Variants in LARP4B observed in about 807,000 individuals in gnomAD.
The protein encoded by LARP4B is la-related protein 4B.
LARP4B carries 12 observed loss-of-function variants against 89.8 expected under a neutral mutation model. The observed-to-expected ratio is 0.13, with a 90% CI of 0.09 to 0.22. The LOEUF is 0.22. Among genes scored for constraint, LARP4B ranks in the 10% least tolerant of loss-of-function variants. The pLI is 1.00. For missense variants in LARP4B, 757 were observed against 947.7 expected (o/e 0.80, Z 2.64); for synonymous variants, 367 against 363.3 (o/e 1.01, Z -0.12).
chr10:909,101 T>C (rs573869821), intron 1 of LARP4B, among the ~76,000 whole-genome samples: 53 of 152,108 alleles, frequency 3.5e-4, no homozygotes, highest in East Asian at 2.7e-3. Context: ...AAGATCATCC[T>C]GGCTAACACG....
Position 810,836 on chromosome 10 carries a change from A to C in LARP4B, c.*2090T>G, listed in dbSNP as rs1264824202. On this transcript the variant is annotated 3_prime_UTR_variant, in exon 18 of 18. Transcript: ENST00000316157. ...CTGACAACTACAAAAAAAAATCCCC[A>C]TGTTCTTTAAAATGCATTTGAAAAA... is the stretch of plus-strand genomic sequence containing the variant. 6.8e-6 allele frequency: 1 copy of C among 146,534 alleles called. No homozygotes were observed. The highest frequency in any genetic ancestry group is 2.5e-5 in the African/African-American group (1 of 39,674). The allele number at this position is 146,534 out of a possible 1,614,324, so 9.1% of individuals were successfully genotyped here. A position where few individuals can be genotyped will look rare whatever the true frequency, so the allele number is the denominator to read the frequency against.
chr10:855,590 A>G (rs1397145621), intron 5 of LARP4B, among the ~76,000 whole-genome samples: 5 of 152,196 alleles, frequency 3.3e-5, no homozygotes, highest in Non-Finnish European at 5.9e-5. Context: ...TGGCACCCCA[A>G]AACAATGGCA....
chr10:808,159 C>G (rs901494047), downstream of LARP4B: 6 of 152,332 alleles, frequency 3.9e-5, no homozygotes, highest in African/African-American at 1.2e-4. Context: ...CCAGCAGAGC[C>G]CTGCAGACAA....
the LARP4B span, among the ~76,000 whole-genome samples, chr10:941,572 T>G: frequency 6.6e-6 from 1 of 152,280 alleles, no homozygotes; most frequent in Middle Eastern, 3.4e-3. Context: ...TCCGCCCGCC[T>G]TGGCCTCCCA....
At chr10:889,771 G>A (rs1392480446) in intron 1 of LARP4B, among the ~76,000 whole-genome samples, 1 of 152,104 alleles carries the variant, frequency 6.6e-6, no homozygotes, top group Non-Finnish European at 1.5e-5. Flanking sequence ...CCAAAGTGGT[G>A]AAACCCCATC....
chr10:833,703 A>G (rs1273959039), intron 8 of LARP4B, among the ~76,000 whole-genome samples: 3 of 152,160 alleles, frequency 2.0e-5, no homozygotes, highest in Non-Finnish European at 4.4e-5. Flanking sequence ...CATCCTGGCC[A>G]ACATTGTGAA....
At chr10:912,708 CAAAAAAAAA>C (rs60998261) in intron 1 of LARP4B, among the ~76,000 whole-genome samples, 3 of 91,244 alleles carry the variant, frequency 3.3e-5, no homozygotes, top group Non-Finnish European at 6.2e-5. Context: ...CTCGTCTTGA[CAAAAAAAAA>C]AAAAAAAAAT....
In LARP4B at chr10:814,883, T is replaced by C. The variant is rs767191618; in HGVS notation, c.1821-33A>G. 6.3e-7 allele frequency: 1 copy of C among 1,581,028 alleles called. No individual in the cohort carries two copies. The highest frequency in any genetic ancestry group is 8.6e-7 in the Non-Finnish European group (1 of 1,158,470). ...AATGCCACCCGATATTTGAATCTCA[T>C]GCAACATCACAGGCCATTCAAGTCA... On this transcript the variant is annotated intron_variant, in intron 16 of 17. Transcript: ENST00000316157. The surrounding 1 kb of genome is among the most constrained non-coding windows in gnomAD (Gnocchi z 4.4).
the LARP4B span, chr10:986,821 TC>T: frequency 6.6e-6 from 1 of 152,158 alleles, no homozygotes; most frequent in Non-Finnish European, 1.5e-5. Context: ...GTGCCTGTAA[TC>T]CCAGCTACTT....
At chr10:914,372 A>G (rs1309237554) in intron 1 of LARP4B, among the ~76,000 whole-genome samples, 1 of 152,150 alleles carries the variant, frequency 6.6e-6, no homozygotes, top group African/African-American at 2.4e-5. Context: ...TCAAAATGAT[A>G]AGGGGGAAAG....
At chr10:968,342 A>ATAAT in the LARP4B span, among the ~76,000 whole-genome samples, 75,956 of 151,628 alleles carry the variant, frequency 0.5, 19,296 homozygotes, top group East Asian at 0.62. Flanking sequence ...AGTTTGTGTG[A>ATAAT]TAATTAAAAT....
In LARP4B at chr10:829,587, A is replaced by C. The variant is rs1486747871; in HGVS notation, c.923T>G (p.Ile308Arg). The change falls in exon 11 of 18, where the codon ATA becomes AGA. Residue 308 changes from isoleucine to arginine, a missense_variant. Ile to Arg is a moderately conservative substitution (Grantham distance 97). Transcript: ENST00000316157. ...GTTTATAGCTATTGCCTTTGCTTTT[A>C]TCCGTGCCTGTTTGAAAATATGTAA... ...TFQGKPIKARIKAKAIAINTF... is the reference protein window; with the variant it reads ...TFQGKPIKARRKAKAIAINTF... The C allele has an allele frequency of 6.2e-7, 1 of 1,613,900 alleles. No homozygotes were observed. Among genetic ancestry groups the C allele is most frequent in the Non-Finnish European group, 8.5e-7 (1 of 1,179,974 alleles).
chr10:894,094 G>C (rs1342733085), intron 1 of LARP4B, among the ~76,000 whole-genome samples: 2 of 152,176 alleles, frequency 1.3e-5, no homozygotes, highest in African/African-American at 4.8e-5. Flanking sequence ...ATTGATGTCT[G>C]CTGAAATTAT....
chr10:835,117 T>C (rs76537994), intron 8 of LARP4B, among the ~76,000 whole-genome samples: 1,766 of 151,440 alleles, frequency 0.012, 33 homozygotes, highest in African/African-American at 0.04. Context: ...AGGAAAAAAC[T>C]ATAATCCTAA....
chr10:807,383 G>T (rs994402328), downstream of LARP4B: 1 of 152,290 alleles, frequency 6.6e-6, no homozygotes, highest in African/African-American at 2.4e-5. Flanking sequence ...GGCTGCTCCG[G>T]CCGAGGAAAT....
At chr10:934,544 T>G (rs1187351445), upstream of LARP4B, among the ~76,000 whole-genome samples, 1 of 152,152 alleles carries the variant, frequency 6.6e-6, no homozygotes, top group Non-Finnish European at 1.5e-5. Context: ...CTTCTTTCTC[T>G]TCGTATTGTG....
the LARP4B span, among the ~76,000 whole-genome samples, chr10:977,485 G>C: frequency 6.6e-6 from 1 of 151,482 alleles, no homozygotes; most frequent in Non-Finnish European, 1.5e-5. Flanking sequence ...GCTGCAGTGA[G>C]CCAAGATAGT....
intron 13 of LARP4B, among the ~76,000 whole-genome samples, chr10:821,260 T>C (rs889545443): frequency 6.6e-5 from 10 of 152,188 alleles, no homozygotes; most frequent in Non-Finnish European, 2.9e-5. Context: ...TTACATCAGA[T>C]TTAAAAGACC....
chr10:877,740 C>T (rs1205088285), intron 3 of LARP4B, among the ~76,000 whole-genome samples: 1 of 152,132 alleles, frequency 6.6e-6, no homozygotes, highest in Non-Finnish European at 1.5e-5. Context: ...CAGTGATTAC[C>T]ACCATATGTG....
Sources: gnomAD v4.1 joint callset for allele counts (sites outside exome capture counted in the v4.1 genomes callset) on GRCh38, gnomAD v4.1.1 for gene constraint, Gnocchi (gnomAD v3.1) non-coding constraint, MANE v1.5 for transcripts, NCBI Gene and HGNC (gene_info 2026-07-23, HGNC 2026-07-21) for gene names.